The following C8orf34 variants were observed in gnomAD, a reference collection of about 807,000 sequenced individuals.
C8orf34 encodes uncharacterized protein C8orf34.
A neutral mutation model predicts 68.3 loss-of-function variants in C8orf34; 65 were observed. The observed-to-expected ratio is 0.95, with a 90% CI of 0.78 to 1.17. C8orf34 has a LOEUF of 1.17. C8orf34 is among the 50% of genes most tolerant of loss of function. The pLI is 0.00. For synonymous variants in C8orf34, 244 were observed against 241.2 expected, an observed-to-expected ratio of 1.01 and a Z score of -0.11; for missense variants, 664 against 655.4, an observed-to-expected ratio of 1.01 and a Z score of -0.14.
intron 7 of C8orf34, chr8:68,534,121 G>T (rs1387551017): frequency 1.0e-6 from 1 of 983,554 alleles, no homozygotes; most frequent in Non-Finnish European, 1.2e-6. Flanking sequence ...TATAAAAAAT[G>T]ATATATTGCT....
intron 11 of C8orf34, among the ~76,000 whole-genome samples, chr8:68,784,707 T>C (rs1003873976): frequency 6.6e-6 from 1 of 152,246 alleles, no homozygotes; most frequent in African/African-American, 2.4e-5. Flanking sequence ...CTTATGTGTT[T>C]TGTTACTCAA....
chr8:68,625,640 C>G (rs1367855987), intron 7 of C8orf34: 4 of 701,570 alleles, frequency 5.7e-6, no homozygotes, highest in Admixed American at 2.0e-5. Context: ...TGGCTTGCAT[C>G]TCAGCGGTGG....
intron 12 of C8orf34, among the ~76,000 whole-genome samples, chr8:68,813,933 T>G (rs1824731610): frequency 6.6e-6 from 1 of 152,192 alleles, no homozygotes; most frequent in African/African-American, 2.4e-5. Flanking sequence ...CTGTATATAC[T>G]TTTTTCTTAT....
At chr8:68,747,918 G>A (rs559543480) in intron 10 of C8orf34, among the ~76,000 whole-genome samples, 7 of 152,108 alleles carry the variant, frequency 4.6e-5, no homozygotes, top group African/African-American at 7.2e-5. Flanking sequence ...AAAAGAGCCC[G>A]CATCGCCAAG....
intron 1 of C8orf34, among the ~76,000 whole-genome samples, chr8:68,386,187 G>A (rs1039484020): frequency 6.6e-6 from 1 of 152,142 alleles, no homozygotes; most frequent in African/African-American, 2.4e-5. Flanking sequence ...GATTACAGGT[G>A]TGAGCCACCC....
intron 10 of C8orf34, among the ~76,000 whole-genome samples, chr8:68,771,648 G>A (rs887677098): frequency 6.6e-6 from 1 of 151,892 alleles, no homozygotes; most frequent in African/African-American, 2.4e-5. Context: ...TAAGATTTCA[G>A]GACTAAACAA....
At chr8:68,563,896 A>G (rs190899973) in intron 7 of C8orf34, among the ~76,000 whole-genome samples, 1 of 148,692 alleles carries the variant, frequency 6.7e-6, no homozygotes, top group African/African-American at 2.5e-5. Context: ...AAATCAGGCA[A>G]AAGAAAAGGA....
At position 68,663,156 on chromosome 8, in the gene C8orf34, A is replaced by T. The variant is rs150197194; in HGVS notation, c.1241+22645A>T. Among the ~76,000 whole-genome samples, 431 of 152,322 alleles carry T rather than the reference A, an allele frequency of 2.8e-3. 1 individual carries two copies. Among genetic ancestry groups the T allele is most frequent in the African/African-American group, 1.0e-2 (414 of 41,586 alleles). ...TACATCAATCTGCATAACAAAGCTT[A>T]TTCTTGTTTGTCCAGACCACCTCAT... On this transcript the variant is annotated intron_variant, in intron 8 of 13. Transcript: ENST00000518698.
At chr8:68,690,665 C>T (rs1371403286) in intron 8 of C8orf34, among the ~76,000 whole-genome samples, 1 of 151,956 alleles carries the variant, frequency 6.6e-6, no homozygotes, top group East Asian at 1.9e-4. Context: ...AGGCCCATTT[C>T]TTATTACTGT....
At chr8:68,704,482 T>A (rs548109361) in intron 8 of C8orf34, among the ~76,000 whole-genome samples, 216 of 152,140 alleles carry the variant, frequency 1.4e-3, no homozygotes, top group Non-Finnish European at 2.5e-3. Context: ...CAGACACAGG[T>A]AGGGATTATG....
chr8:68,429,350 G>A (rs577702702), intron 1 of C8orf34, among the ~76,000 whole-genome samples: 4 of 152,170 alleles, frequency 2.6e-5, no homozygotes, highest in Non-Finnish European at 5.9e-5. Context: ...AAATCATAGG[G>A]ATTCTTTTAT....
intron 6 of C8orf34, among the ~76,000 whole-genome samples, chr8:68,531,067 A>AT (rs1344301291): frequency 1.3e-5 from 2 of 152,032 alleles, no homozygotes; most frequent in Non-Finnish European, 2.9e-5. Context: ...ATCATATTCT[A>AT]TTTTTTGCTG....
At chr8:68,435,671 C>G (rs912476866) in intron 1 of C8orf34, among the ~76,000 whole-genome samples, 1 of 152,202 alleles carries the variant, frequency 6.6e-6, no homozygotes, top group Admixed American at 6.5e-5. Flanking sequence ...TCTGAATCTC[C>G]TACACATTTC....
At chr8:68,579,670 C>A (rs1406102160) in intron 7 of C8orf34, among the ~76,000 whole-genome samples, 1 of 152,196 alleles carries the variant, frequency 6.6e-6, no homozygotes, top group Non-Finnish European at 1.5e-5. Context: ...CTTGCTAAAT[C>A]TGCACACTTT....
At chr8:68,655,810 C>T (rs930806063) in intron 8 of C8orf34, among the ~76,000 whole-genome samples, 2 of 152,116 alleles carry the variant, frequency 1.3e-5, no homozygotes, top group African/African-American at 2.4e-5. Flanking sequence ...AGATTTAAAA[C>T]CCTGTGTTTA....
At position 68,640,416 on chromosome 8, in the gene C8orf34, G is replaced by C. The variant is rs1404033687; in HGVS notation, c.1146G>C (p.Leu382=). The change falls in exon 8 of 14, where the codon CTG becomes CTC. Residue 382 remains leucine, a synonymous_variant. Coordinates refer to ENST00000518698, the MANE Select transcript of C8orf34 (RefSeq NM_052958.4). ...TAAGAATGGAGGGAGTAACAACCCTGGTACCTTCTGGGAGCAAATTTAACC... is the reference window on the plus strand; with the variant it reads ...TAAGAATGGAGGGAGTAACAACCCTCGTACCTTCTGGGAGCAAATTTAACC... The part of the protein sequence containing the change: ...NDLRMEGVTT[L]VPSGSKFNQG... The C allele has an allele frequency of 2.5e-6, 4 of 1,613,578 alleles. No individual in the cohort carries two copies. The African/African-American group carries it at 5.3e-5, about 22-fold the overall frequency.
intron 3 of C8orf34, among the ~76,000 whole-genome samples, chr8:68,452,353 T>G (rs961278540): frequency 2.0e-5 from 3 of 151,744 alleles, no homozygotes; most frequent in African/African-American, 7.3e-5. Flanking sequence ...CTGCACCATT[T>G]CACATGCTTA....
At chr8:68,788,434 G>C (rs917115955) in intron 12 of C8orf34, among the ~76,000 whole-genome samples, 1 of 152,198 alleles carries the variant, frequency 6.6e-6, no homozygotes, top group African/African-American at 2.4e-5. Context: ...ACAGGCATGA[G>C]AGTGAGTGCT....
chr8:68,568,204 A>G (rs918206638), intron 7 of C8orf34, among the ~76,000 whole-genome samples: 1 of 152,054 alleles, frequency 6.6e-6, no homozygotes, highest in African/African-American at 2.4e-5. Context: ...GATCAGCAAT[A>G]AGGCTGTGGT....
Sources: gnomAD v4.1 joint callset for allele counts (sites outside exome capture counted in the v4.1 genomes callset) on GRCh38, gnomAD v4.1.1 for gene constraint, MANE v1.5 for transcripts, NCBI Gene and HGNC (gene_info 2026-07-23, HGNC 2026-07-21) for gene names.